The following PLEKHA6 variants were observed in gnomAD, a reference collection of about 807,000 sequenced individuals.
PLEKHA6 encodes pleckstrin homology domain containing A6.
A neutral mutation model predicts 116.7 loss-of-function variants in PLEKHA6; 60 were observed. That is an observed-to-expected ratio of 0.51 (90% CI 0.42 to 0.64). The LOEUF is 0.64. PLEKHA6 is among the 30% of genes least tolerant of loss of function. PLEKHA6 has a pLI of 0.00. For missense variants in PLEKHA6, 1,338 were observed against 1,422.7 expected (o/e 0.94, Z 0.96); for synonymous variants, 489 against 556.1 (o/e 0.88, Z 1.70).
chr1:204,272,473 T>C (rs913518278), intron 3 of PLEKHA6, among the ~76,000 whole-genome samples: 1 of 152,216 alleles, frequency 6.6e-6, no homozygotes, highest in African/African-American at 2.4e-5. Flanking sequence ...TACCCTTCCA[T>C]TTCCCATCAC....
In PLEKHA6 at chr1:204,223,515, A is replaced by T. The variant is rs922940639; in HGVS notation, c.3102T>A (p.Ser1034=). 3.2e-6 allele frequency: 5 copies of T among 1,550,316 alleles called. No homozygotes were observed. Among genetic ancestry groups the T allele is most frequent in the Non-Finnish European group, 4.4e-6 (5 of 1,146,064 alleles). The part of the protein sequence containing the change: ...SPAPPANPLS[S]ESPRGADSSY... Reference sequence around the variant, plus strand: ...TGCTGTCGGCGCCCCGTGGGGATTCAGACGACAGGGGGTTTGCTGGAGGAG... The same window carrying T: ...TGCTGTCGGCGCCCCGTGGGGATTCTGACGACAGGGGGTTTGCTGGAGGAG... The change falls in exon 22 of 23, where the codon TCT becomes TCA. Residue 1034 remains serine, a synonymous_variant. Transcript: ENST00000272203. This position sits in a 1 kb window ranked among gnomAD's most constrained non-coding sequence, Gnocchi z 4.8.
At chr1:204,346,399 G>A (rs931259560) in intron 1 of PLEKHA6, among the ~76,000 whole-genome samples, 3 of 97,738 alleles carry the variant, frequency 3.1e-5, no homozygotes, top group African/African-American at 7.5e-5. Context: ...TCCAGAACAC[G>A]GGTCTGGGCA....
intron 1 of PLEKHA6, among the ~76,000 whole-genome samples, chr1:204,325,237 C>A (rs959926848): frequency 6.6e-6 from 1 of 152,204 alleles, no homozygotes; most frequent in Non-Finnish European, 1.5e-5. Context: ...ACAAGTTCAG[C>A]TCTCTGGGGT....
In PLEKHA6 at chr1:204,229,010, G is replaced by A; in HGVS notation, c.2678C>T (p.Pro893Leu). 1 of 1,614,170 alleles carries A rather than the reference G, an allele frequency of 6.2e-7. No homozygotes were observed. The highest frequency in any genetic ancestry group is 8.5e-7 in the Non-Finnish European group (1 of 1,180,024). Reference protein sequence around the residue: ...EEPGGHAYETPREEIARLRKM... With the variant: ...EEPGGHAYETLREEIARLRKM... ...GCGAAGCCGGGCAATTTCCTCCCGG[G>A]GTGTCTCGTAGGCATGCCCGCCAGG... The change falls in exon 19 of 23, where the codon CCC becomes CTC. Residue 893 changes from proline to leucine, a missense_variant. Transcript: ENST00000272203.
intron 1 of PLEKHA6, among the ~76,000 whole-genome samples, chr1:204,299,083 C>G (rs1670564988): frequency 6.6e-6 from 1 of 152,346 alleles, no homozygotes; most frequent in African/African-American, 2.4e-5. Flanking sequence ...CACCCCAGCT[C>G]CCTTATAATT....
chr1:204,265,100 C>T lies in PLEKHA6; in HGVS notation c.281-58G>A, dbSNP rs150599531. 3,007 of 1,108,078 alleles carry T rather than the reference C, an allele frequency of 2.7e-3. 12 individuals carry two copies. The highest frequency in any genetic ancestry group is 0.013 in the Middle Eastern group (62 of 4,932). 68.6% of individuals were successfully genotyped at this position (1,108,078 alleles called of 1,614,324 possible). On this transcript the variant is annotated intron_variant, in intron 5 of 22. Coordinates refer to ENST00000272203, the MANE Select transcript of PLEKHA6 (RefSeq NM_014935.5). ...GTGTGTGTGTGCAAGCGTGTGCGTGCGCCAGGGGTGGGGAGGAGTGTGTTG... is the reference window on the plus strand; with the variant it reads ...GTGTGTGTGTGCAAGCGTGTGCGTGTGCCAGGGGTGGGGAGGAGTGTGTTG...
intron 1 of PLEKHA6, among the ~76,000 whole-genome samples, chr1:204,314,455 C>G (rs577275077): frequency 1.1e-4 from 16 of 152,286 alleles, no homozygotes; most frequent in Middle Eastern, 3.4e-3. Flanking sequence ...ACTGGGCCAA[C>G]AGTAAGTGCA....
intron 12 of PLEKHA6, 82 bp downstream of exon 12, chr1:204,248,739 A>C: frequency 7.5e-7 from 1 of 1,328,256 alleles, no homozygotes; most frequent in Non-Finnish European, 1.1e-6. Context: ...AAACTGGACT[A>C]GGACAGCACA....
chr1:204,269,662 CT>C (rs371123836), intron 3 of PLEKHA6, among the ~76,000 whole-genome samples: 3 of 152,080 alleles, frequency 2.0e-5, no homozygotes, highest in African/African-American at 7.2e-5. Flanking sequence ...ATGTCACACC[CT>C]TTTACCTAGA....
At chr1:204,350,036 T>C (rs575980166) in intron 1 of PLEKHA6, among the ~76,000 whole-genome samples, 7 of 152,352 alleles carry the variant, frequency 4.6e-5, no homozygotes, top group Admixed American at 2.6e-4. Flanking sequence ...TTTTAAAACA[T>C]TCTGGCCAGG....
At chr1:204,254,067 A>T (rs1664946597) in intron 9 of PLEKHA6, among the ~76,000 whole-genome samples, 2 of 152,192 alleles carry the variant, frequency 1.3e-5, no homozygotes, top group Admixed American at 1.3e-4. Flanking sequence ...GACAGGGAGG[A>T]TAGCTTGCTC....
intron 1 of PLEKHA6, among the ~76,000 whole-genome samples, chr1:204,330,777 T>A (rs960146815): frequency 2.6e-5 from 4 of 152,150 alleles, no homozygotes; most frequent in African/African-American, 9.7e-5. Flanking sequence ...TGGAGGAGCT[T>A]CATTCTGTCT....
intron 1 of PLEKHA6, among the ~76,000 whole-genome samples, chr1:204,375,732 C>T (rs1335253719): frequency 1.3e-5 from 2 of 151,804 alleles, no homozygotes; most frequent in African/African-American, 4.8e-5. Context: ...GGATGGAGTC[C>T]CGACCCCTTA....
rs1032912438 is a variant in PLEKHA6, at chr1:204,220,603, C to G, written c.*2185G>C. The G allele has an allele frequency of 6.6e-6, 1 of 152,554 alleles. No homozygotes were observed. The highest frequency in any genetic ancestry group is 1.5e-5 in the Non-Finnish European group (1 of 68,026). 9.5% of individuals were successfully genotyped at this position (152,554 alleles called of 1,614,324 possible). A position where few individuals can be genotyped will look rare whatever the true frequency, so the allele number is the denominator to read the frequency against. Reference sequence around the variant, plus strand: ...GTCTTAAAATAAGTCTTTCCTCTCCCCTTCTTTGGATCAAAAAGGCAAGGG... The same window carrying G: ...GTCTTAAAATAAGTCTTTCCTCTCCGCTTCTTTGGATCAAAAAGGCAAGGG... On this transcript the variant is annotated 3_prime_UTR_variant, in exon 23 of 23. Transcript: ENST00000272203.
chr1:204,311,556 G>C (rs1671659374), intron 1 of PLEKHA6: 1 of 932,292 alleles, frequency 1.1e-6, no homozygotes, highest in African/African-American at 1.8e-5. Flanking sequence ...GCAGATTAAG[G>C]CTTCTTGAGT....
intron 1 of PLEKHA6, among the ~76,000 whole-genome samples, chr1:204,323,653 A>T (rs967224587): frequency 6.6e-6 from 1 of 152,348 alleles, no homozygotes; most frequent in South Asian, 2.1e-4. Context: ...CTGGTGCATA[A>T]TAGGTGCTCA....
chr1:204,360,756 T>C (rs917325655), upstream of PLEKHA6, among the ~76,000 whole-genome samples: 36 of 152,094 alleles, frequency 2.4e-4, no homozygotes, highest in African/African-American at 8.7e-4. Flanking sequence ...CCCAAATCGG[T>C]CTTGATAACC....
At chr1:204,247,543 G>T in intron 12 of PLEKHA6, 83 bp from the exon 13 acceptor site, 1 of 857,334 alleles carries the variant, frequency 1.2e-6, no homozygotes, top group Non-Finnish European at 1.9e-6. Context: ...CTGGGGCCAG[G>T]GTACCAGAGG....
intron 21 of PLEKHA6, among the ~76,000 whole-genome samples, chr1:204,225,908 A>C (rs1660294551): frequency 6.6e-6 from 1 of 152,254 alleles, no homozygotes; most frequent in African/African-American, 2.4e-5. Flanking sequence ...GTACAAACTC[A>C]AAAAATGCCA....
Sources: gnomAD v4.1 joint callset for allele counts (sites outside exome capture counted in the v4.1 genomes callset) on GRCh38, gnomAD v4.1.1 for gene constraint, Gnocchi (gnomAD v3.1) non-coding constraint, MANE v1.5 for transcripts, NCBI Gene and HGNC (gene_info 2026-07-23, HGNC 2026-07-21) for gene names.